Variants in AGBL1 observed in about 807,000 individuals in gnomAD.
AGBL1 encodes the protein cytosolic carboxypeptidase 4.
Under a neutral mutation model 118.9 loss-of-function variants are expected in AGBL1, and 130 were observed. That is an observed-to-expected ratio of 1.09 (90% CI 0.95 to 1.26). AGBL1 has a LOEUF of 1.26. AGBL1 is among the 50% of genes most tolerant of loss of function. The probability of loss-of-function intolerance (pLI) is 0.00; values close to 1 mark genes in which losing one functional copy is unlikely to be tolerated. For synonymous variants in AGBL1, 555 were observed against 478.9 expected (o/e 1.16, Z -2.08); for missense variants, 1,584 against 1,298.1 (o/e 1.22, Z -3.38).
chr15:86,650,151 T>G (rs918118835), intron 21 of AGBL1, among the ~76,000 whole-genome samples: 2 of 152,208 alleles, frequency 1.3e-5, no homozygotes, highest in African/African-American at 4.8e-5. Flanking sequence ...ACCAGCAGTT[T>G]TTCTAAAATA....
At chr15:86,473,969 G>A (rs1296998040) in intron 18 of AGBL1, among the ~76,000 whole-genome samples, 2 of 152,148 alleles carry the variant, frequency 1.3e-5, no homozygotes, top group African/African-American at 4.8e-5. Flanking sequence ...TGACTGGTCT[G>A]AATTTCATAA....
At chr15:86,852,247 C>T (rs2079417933) in intron 22 of AGBL1, among the ~76,000 whole-genome samples, 1 of 152,252 alleles carries the variant, frequency 6.6e-6, no homozygotes, top group Middle Eastern at 3.4e-3. Flanking sequence ...AGAGAAGATG[C>T]CAGACACTTA....
At chr15:86,174,491 G>A (rs1250509934) in intron 5 of AGBL1, among the ~76,000 whole-genome samples, 2 of 152,084 alleles carry the variant, frequency 1.3e-5, no homozygotes, top group Non-Finnish European at 2.9e-5. Flanking sequence ...ACTATGTTGA[G>A]TATGAATAGT....
intron 24 of AGBL1, among the ~76,000 whole-genome samples, chr15:87,018,464 A>G (rs2081629526): frequency 6.6e-6 from 1 of 152,142 alleles, no homozygotes. Context: ...AATATTCAAC[A>G]TTCTTAAAAA....
At chr15:86,475,730 A>G (rs1252083164) in intron 18 of AGBL1, among the ~76,000 whole-genome samples, 1 of 152,190 alleles carries the variant, frequency 6.6e-6, no homozygotes, top group Non-Finnish European at 1.5e-5. Context: ...AGAATGCCAC[A>G]AAGATACTCA....
chr15:86,522,399 T>C (rs1385878267), intron 18 of AGBL1, among the ~76,000 whole-genome samples: 1 of 152,228 alleles, frequency 6.6e-6, no homozygotes, highest in Non-Finnish European at 1.5e-5. Context: ...TGCAGAGTTA[T>C]TGAACCAGCT....
intron 22 of AGBL1, among the ~76,000 whole-genome samples, chr15:86,820,243 A>G (rs1431746381): frequency 6.6e-6 from 1 of 152,224 alleles, no homozygotes; most frequent in East Asian, 1.9e-4. Flanking sequence ...CAAAGACTTC[A>G]TGACTAAAAC....
chr15:86,988,216 A>G (rs2081303475), intron 24 of AGBL1: 2 of 1,169,122 alleles, frequency 1.7e-6, no homozygotes, highest in African/African-American at 1.5e-5. Flanking sequence ...CAAAAAAACA[A>G]CATACCCTTC....
At chr15:86,539,887 C>G (rs2083471712) in intron 19 of AGBL1, among the ~76,000 whole-genome samples, 1 of 152,278 alleles carries the variant, frequency 6.6e-6, no homozygotes. Context: ...TTCAGCTCTT[C>G]TCTTATGGTA....
chr15:86,165,740 T>C (rs1213184045), intron 5 of AGBL1, among the ~76,000 whole-genome samples: 3 of 152,120 alleles, frequency 2.0e-5, no homozygotes, highest in Admixed American at 2.0e-4. Flanking sequence ...CAGCACTTTC[T>C]GCTTGTACCT....
chr15:86,830,276 T>C (rs2079085576), intron 22 of AGBL1, among the ~76,000 whole-genome samples: 1 of 152,160 alleles, frequency 6.6e-6, no homozygotes, highest in Admixed American at 6.5e-5. Flanking sequence ...CAGAAATCTT[T>C]ATGACCCTTT....
At chr15:86,704,499 A>C (rs1289676671) in intron 22 of AGBL1, among the ~76,000 whole-genome samples, 1 of 152,214 alleles carries the variant, frequency 6.6e-6, no homozygotes, top group Non-Finnish European at 1.5e-5. Context: ...ACACTTCTCA[A>C]GACATTTATG....
chr15:86,478,817 A>G (rs894559631), intron 18 of AGBL1, among the ~76,000 whole-genome samples: 1 of 152,198 alleles, frequency 6.6e-6, no homozygotes. Context: ...GCATCTCACT[A>G]CCTGACTTCA....
intron 21 of AGBL1, among the ~76,000 whole-genome samples, chr15:86,627,365 G>A (rs555844603): frequency 1.3e-3 from 197 of 152,310 alleles, no homozygotes; most frequent in African/African-American, 4.6e-3. Context: ...CAGGAGATGG[G>A]ATGCCAGAGG....
intron 21 of AGBL1, among the ~76,000 whole-genome samples, chr15:86,654,358 A>G (rs1194342941): frequency 1.3e-5 from 2 of 152,142 alleles, no homozygotes; most frequent in East Asian, 1.9e-4. Flanking sequence ...GAAGCTTCCA[A>G]TTTTTACATA....
intron 22 of AGBL1, among the ~76,000 whole-genome samples, chr15:86,772,942 A>C (rs1006622576): frequency 6.6e-6 from 1 of 152,052 alleles, no homozygotes; most frequent in African/African-American, 2.4e-5. Flanking sequence ...ATAAGTTATC[A>C]TAAACAACCC....
chr15:86,157,219 A>G (rs976440711), intron 4 of AGBL1, among the ~76,000 whole-genome samples: 1 of 152,138 alleles, frequency 6.6e-6, no homozygotes, highest in Non-Finnish European at 1.5e-5. Context: ...CTACTCACCT[A>G]TCTCCCGTAT....
intron 22 of AGBL1, among the ~76,000 whole-genome samples, chr15:86,790,996 T>C (rs1236681162): frequency 1.3e-5 from 2 of 152,168 alleles, no homozygotes; most frequent in Admixed American, 1.3e-4. Context: ...AGATCAATCT[T>C]TGTCAGAATT....
At chr15:86,983,847 T>C (rs1466380394) in intron 23 of AGBL1, among the ~76,000 whole-genome samples, 3 of 152,210 alleles carry the variant, frequency 2.0e-5, no homozygotes, top group African/African-American at 7.2e-5. Flanking sequence ...TGCTTTGAGA[T>C]TTATCCATGT....
Sources: allele counts gnomAD v4.1 joint callset (sites outside exome capture counted in the v4.1 genomes callset), GRCh38; gene constraint gnomAD v4.1.1; transcripts MANE v1.5; gene names NCBI Gene and HGNC (gene_info 2026-07-23, HGNC 2026-07-21).